Variants in FOXJ2 observed in about 807,000 individuals in gnomAD.
FOXJ2 encodes forkhead box J2.
A neutral mutation model predicts 68.4 loss-of-function variants in FOXJ2; 18 were observed. That is an observed-to-expected ratio of 0.26 (90% CI 0.18 to 0.39). The LOEUF (loss-of-function observed/expected upper bound fraction) is 0.39. FOXJ2 is among the 10% of genes least tolerant of loss of function. FOXJ2 has a pLI of 1.00. For synonymous variants in FOXJ2, 274 were observed against 263.2 expected, an observed-to-expected ratio of 1.04 and a Z score of -0.40; for missense variants, 670 against 726.5, an observed-to-expected ratio of 0.92 and a Z score of 0.89.
At chr12:8,039,295 T>C (rs1946935657) in intron 1 of FOXJ2, among the ~76,000 whole-genome samples, 1 of 152,144 alleles carries the variant, frequency 6.6e-6, no homozygotes, top group Non-Finnish European at 1.5e-5. Context: ...GTAATGCATC[T>C]AGTAGGAAAC....
intron 1 of FOXJ2, among the ~76,000 whole-genome samples, chr12:8,034,127 T>C (rs1181339031): frequency 6.6e-6 from 1 of 152,170 alleles, no homozygotes; most frequent in Non-Finnish European, 1.5e-5. Flanking sequence ...AACAGCTGCA[T>C]TTTGAGAACA....
Position 8,036,220 on chromosome 12 carries a change from A to G in FOXJ2, c.-15+2387A>G, listed in dbSNP as rs141916279. Among the ~76,000 whole-genome samples, 436 of 152,334 alleles carry G rather than the reference A, an allele frequency of 2.9e-3. 1 individual carries two copies. The highest frequency in any genetic ancestry group is 9.2e-3 in the African/African-American group (382 of 41,576). On this transcript the variant is annotated intron_variant, in intron 1 of 10. Coordinates refer to ENST00000162391, the MANE Select transcript of FOXJ2 (RefSeq NM_018416.3). ...ACCTAGCCACTGCCCTCTTTGTTCT[A>G]GCATTCTGTATGGGGCAGGAAGTCA...
chr12:8,052,897 T>G lies in FOXJ2; in HGVS notation c.*47T>G, dbSNP rs1268402983. 1 of 1,504,986 alleles carries G rather than the reference T, an allele frequency of 6.6e-7. No individual in the cohort carries two copies. The allele number at this position is 1,504,986 out of a possible 1,614,324, so 93.2% of individuals were successfully genotyped here. ...CAGCCCAGGGCCGCGTGGTGAAATC[T>G]GGCAGTGGGGAAAGAGCAACCCCAG... On this transcript the variant is annotated 3_prime_UTR_variant, in exon 11 of 11. Coordinates refer to ENST00000162391, the MANE Select transcript of FOXJ2 (RefSeq NM_018416.3).
chr12:8,047,840 T>C (rs1947058414), intron 6 of FOXJ2, 42 bp from the exon 7 acceptor site: 1 of 1,529,320 alleles, frequency 6.5e-7, no homozygotes, highest in Non-Finnish European at 8.8e-7. Flanking sequence ...TTGTGAAAAA[T>C]GCATTGCTTA....
intron 6 of FOXJ2, among the ~76,000 whole-genome samples, chr12:8,047,477 G>C (rs1947054010): frequency 6.6e-6 from 1 of 151,530 alleles, no homozygotes; most frequent in Admixed American, 6.6e-5. Context: ...AGGAAGAGGA[G>C]ATAGTAGACA....
At chr12:8,044,129 G>A (rs112800861) in intron 5 of FOXJ2, 38 bp downstream of exon 5, 8 of 1,480,094 alleles carry the variant, frequency 5.4e-6, no homozygotes, top group African/African-American at 2.8e-5. Context: ...GGGATGGGTG[G>A]TGAATAGATT....
intron 1 of FOXJ2, among the ~76,000 whole-genome samples, chr12:8,037,341 T>C (rs1946911025): frequency 6.6e-6 from 1 of 151,962 alleles, no homozygotes; most frequent in Non-Finnish European, 1.5e-5. Flanking sequence ...GATTTGAATA[T>C]ATTTTGAGTG....
At position 8,040,926 on chromosome 12, in the gene FOXJ2, C is replaced by T. The variant is rs1191603634; in HGVS notation, c.333+761C>T. 6.6e-6 allele frequency among the ~76,000 whole-genome samples: 1 copy of T among 152,138 alleles called. No individual in the cohort carries two copies. ...TGAAAAGCTGCATTCCAAGAAAAAT[C>T]ATAATATAATTAGGTTCTTTACAAA... On this transcript the variant is annotated intron_variant, in intron 2 of 10. Coordinates refer to ENST00000162391, the MANE Select transcript of FOXJ2 (RefSeq NM_018416.3). The surrounding 1 kb of genome is among the most constrained non-coding windows in gnomAD (Gnocchi z 4.0).
At chr12:8,050,387 C>G in intron 9 of FOXJ2, 135 bp from the exon 10 acceptor site, 1 of 1,412,866 alleles carries the variant, frequency 7.1e-7, no homozygotes, top group Non-Finnish European at 9.2e-7. Context: ...AGCCTTCATG[C>G]CTGCAGGAGC....
Position 8,033,309 on chromosome 12 carries a change from C to G in FOXJ2, c.-539C>G, listed in dbSNP as rs1261887198. 6.3e-6 allele frequency: 1 copy of G among 159,060 alleles called. No homozygotes were observed. Among genetic ancestry groups the G allele is most frequent in the Non-Finnish European group, 1.4e-5 (1 of 72,892 alleles). 9.9% of individuals were successfully genotyped at this position (159,060 alleles called of 1,614,324 possible). ...TGGAGTAGGCACCCTCGGCCCACCA[C>G]TATTCACAGGAGACAGGAGTCCTTA... On this transcript the variant is annotated 5_prime_UTR_variant, in exon 1 of 11. Transcript: ENST00000162391.
At chr12:8,042,185 A>T (rs1328231628) in intron 2 of FOXJ2, among the ~76,000 whole-genome samples, 1 of 152,118 alleles carries the variant, frequency 6.6e-6, no homozygotes, top group African/African-American at 2.4e-5. Flanking sequence ...ACCCCAACAC[A>T]CTTATACAAT....
At chr12:8,050,836 C>T (rs1191259249) in intron 10 of FOXJ2, among the ~76,000 whole-genome samples, 2 of 134,184 alleles carry the variant, frequency 1.5e-5, no homozygotes, top group African/African-American at 5.7e-5. Context: ...CCTTCCCCTC[C>T]CTTCCTTTCC....
In FOXJ2 at chr12:8,039,782, C is replaced by T. The variant is rs368273372; in HGVS notation, c.-14-37C>T. ...ACAAAAGGATTTGAGTATTACTTGCCCCCAGTATTTTCGTCTCCTCTTTGT... is the reference window on the plus strand; with the variant it reads ...ACAAAAGGATTTGAGTATTACTTGCTCCCAGTATTTTCGTCTCCTCTTTGT... On this transcript the variant is annotated intron_variant, in intron 1 of 10. Transcript: ENST00000162391. 51 of 1,518,290 alleles carry T rather than the reference C, an allele frequency of 3.4e-5. No homozygotes were observed. In the African/African-American group the frequency reaches 6.6e-4, roughly 20 times the overall value. 94.1% of individuals were successfully genotyped at this position (1,518,290 alleles called of 1,614,324 possible).
At chr12:8,048,315 C>A in intron 7 of FOXJ2, 26 bp downstream of exon 7, 1 of 1,523,612 alleles carries the variant, frequency 6.6e-7, no homozygotes, top group South Asian at 1.3e-5. Flanking sequence ...GCACAGTGAT[C>A]TAGAGGAGGG....
chr12:8,044,201 A>C, intron 5 of FOXJ2, 110 bp downstream of exon 5: 1 of 1,281,200 alleles, frequency 7.8e-7, no homozygotes, highest in East Asian at 2.6e-5. Flanking sequence ...GAGGCAGATA[A>C]ATTGAGAAGG....
intron 1 of FOXJ2, among the ~76,000 whole-genome samples, chr12:8,036,821 T>G (rs7968072): frequency 0.47 from 70,738 of 151,948 alleles, 18,002 homozygotes; most frequent in African/African-American, 0.68. Context: ...AGGCATGGTG[T>G]TTCACACCTG....
At chr12:8,046,854 G>C (rs1471075258) in intron 6 of FOXJ2, among the ~76,000 whole-genome samples, 5 of 152,112 alleles carry the variant, frequency 3.3e-5, no homozygotes, top group Non-Finnish European at 5.9e-5. Flanking sequence ...GTATATCACA[G>C]GGGATCAATT....
At chr12:8,050,488 C>T (rs117083578) in intron 9 of FOXJ2, 34 bp from the exon 10 acceptor site, 8 of 1,601,950 alleles carry the variant, frequency 5.0e-6, no homozygotes, top group Non-Finnish European at 6.8e-6. Context: ...ACCCGCCCCC[C>T]CCAACTCAAG....
At position 8,045,218 on chromosome 12, in the gene FOXJ2, AT is replaced by A. The variant is rs3074123; in HGVS notation, c.817+277del. ...GCTACCACGCTTGGCTAATTTTTGT[AT>A]TTTTTTTTTTTTTTTTGAGATGGAG... On this transcript the variant is annotated intron_variant, in intron 6 of 10. Coordinates refer to ENST00000162391, the MANE Select transcript of FOXJ2 (RefSeq NM_018416.3). 2.8e-3 allele frequency among the ~76,000 whole-genome samples: 348 copies of A among 123,206 alleles called. 1 individual carries two copies. Among genetic ancestry groups the A allele is most frequent in the African/African-American group, 8.0e-3 (234 of 29,100 alleles). The allele number at this position is 123,206 out of a possible 152,430, so 80.8% of individuals were successfully genotyped here.
Sources: allele counts gnomAD v4.1 joint callset (sites outside exome capture counted in the v4.1 genomes callset), GRCh38; gene constraint gnomAD v4.1.1; non-coding constraint Gnocchi (gnomAD v3.1); transcripts MANE v1.5; gene names NCBI Gene and HGNC (gene_info 2026-07-23, HGNC 2026-07-21).